Variants in ZNF90 observed in about 807,000 individuals in gnomAD.
The protein encoded by ZNF90 is zinc finger protein HTF9.
ZNF90 carries 11 observed loss-of-function variants against 12.0 expected under a neutral mutation model. That is an observed-to-expected ratio of 0.92 (90% CI 0.58 to 1.52). The LOEUF is 1.52. ZNF90 is among the 40% of genes most tolerant of loss of function. The probability of loss-of-function intolerance (pLI) is 0.00; values close to 1 mark genes in which losing one functional copy is unlikely to be tolerated. For missense variants in ZNF90, 765 were observed against 711.5 expected (o/e 1.08, Z -0.86); for synonymous variants, 232 against 240.1 (o/e 0.97, Z 0.31).
intron 3 of ZNF90, among the ~76,000 whole-genome samples, chr19:20,111,528 A>C (rs1447263086): frequency 1.3e-5 from 2 of 150,358 alleles, no homozygotes; most frequent in Non-Finnish European, 2.9e-5. Context: ...TAATTAATTC[A>C]TACTTAAAAT....
In ZNF90 at chr19:20,119,662, C is replaced by A; in HGVS notation, c.*302C>A. 1 of 247,996 alleles carries A rather than the reference C, an allele frequency of 4.0e-6. No individual in the cohort carries two copies. The highest frequency in any genetic ancestry group is 7.7e-6 in the Non-Finnish European group (1 of 130,180). The allele number at this position is 247,996 out of a possible 1,614,324, so 15.4% of individuals were successfully genotyped here. ...TAAGAAGGAGTTTCATGCTTCTCACCCAGCCTGGAGTGCAATGGCACGATC... is the reference window on the plus strand; with the variant it reads ...TAAGAAGGAGTTTCATGCTTCTCACACAGCCTGGAGTGCAATGGCACGATC... On this transcript the variant is annotated 3_prime_UTR_variant, in exon 4 of 4. Coordinates refer to ENST00000418063, the MANE Select transcript of ZNF90 (RefSeq NM_007138.2).
At chr19:20,100,639 G>A (rs1461622264) in intron 1 of ZNF90, among the ~76,000 whole-genome samples, 1 of 152,134 alleles carries the variant, frequency 6.6e-6, no homozygotes, top group Non-Finnish European at 1.5e-5. Context: ...GAAGTTAAGA[G>A]CAGTCATTGG....
intron 3 of ZNF90, among the ~76,000 whole-genome samples, chr19:20,115,088 T>TTTTTGACTTAAG (rs1259884514): frequency 5.0e-4 from 76 of 152,242 alleles, no homozygotes; most frequent in African/African-American, 1.6e-3. Flanking sequence ...AATATGACAG[T>TTTTTGACTTAAG]TTTTGACTTA....
At position 20,078,192 on chromosome 19, in the gene ZNF90, GA is replaced by G. The variant is rs2088792022; in HGVS notation, c.3+59del. 4 of 1,612,006 alleles carry G rather than the reference GA, an allele frequency of 2.5e-6. No homozygotes were observed. The East Asian group carries it at 8.9e-5, about 36-fold the overall frequency. ...GGGAGGGACTGGTTGGAACCGATGG[GA>G]AGTGGCTGTGGCGGGACTTAGGCCT... is the stretch of plus-strand genomic sequence containing the variant. On this transcript the variant is annotated intron_variant, in intron 1 of 3. Transcript: ENST00000418063.
chr19:20,098,338 C>T (rs954794368), intron 1 of ZNF90, among the ~76,000 whole-genome samples: 13 of 152,170 alleles, frequency 8.5e-5, no homozygotes, highest in African/African-American at 3.1e-4. Flanking sequence ...CAGCTTACAG[C>T]CCCCATTTGG....
At chr19:20,083,348 A>G in intron 1 of ZNF90, among the ~76,000 whole-genome samples, 1 of 150,274 alleles carries the variant, frequency 6.7e-6, no homozygotes, top group East Asian at 1.9e-4. Flanking sequence ...GTTTTTTGAG[A>G]TGAAGTTTTG....
chr19:20,108,666 G>A (rs1280520992), intron 3 of ZNF90, among the ~76,000 whole-genome samples: 1 of 150,994 alleles, frequency 6.6e-6, no homozygotes. Context: ...CAGATTTTAT[G>A]AGTAAACATT....
chr19:20,104,107 A>G lies in ZNF90; in HGVS notation c.4-132A>G, dbSNP rs1337946833. 3.8e-6 allele frequency: 5 copies of G among 1,332,132 alleles called. No individual in the cohort carries two copies. In the African/African-American group the frequency reaches 7.4e-5, roughly 20 times the overall value. 82.5% of individuals were successfully genotyped at this position (1,332,132 alleles called of 1,614,324 possible). A position where few individuals can be genotyped will look rare whatever the true frequency, so the allele number is the denominator to read the frequency against. On this transcript the variant is annotated intron_variant, in intron 1 of 3. Coordinates refer to ENST00000418063, the MANE Select transcript of ZNF90 (RefSeq NM_007138.2). ...ATATTTTTGTGTTGGAAATTGTTTT[A>G]TTGGATAATTTAGTGAGTCTTGTAA...
intron 3 of ZNF90, among the ~76,000 whole-genome samples, chr19:20,115,919 A>G (rs78507049): frequency 6.6e-6 from 1 of 152,076 alleles, no homozygotes; most frequent in Admixed American, 6.6e-5. Context: ...TTTTCTGTCA[A>G]GCTGGAAGCA....
chr19:20,102,752 G>T (rs1387129727), intron 1 of ZNF90, among the ~76,000 whole-genome samples: 2 of 152,096 alleles, frequency 1.3e-5, no homozygotes, highest in Non-Finnish European at 2.9e-5. Context: ...TCATGTTGAG[G>T]CTCCATCTGT....
At chr19:20,117,137 A>G (rs1725934) in intron 3 of ZNF90, among the ~76,000 whole-genome samples, 21,395 of 151,496 alleles carry the variant, frequency 0.14, 2,076 homozygotes, top group East Asian at 0.52. Context: ...CTACCTCCAC[A>G]GTTCAAGCAA....
At chr19:20,085,502 T>C (rs1070430) in intron 1 of ZNF90, among the ~76,000 whole-genome samples, 67,461 of 151,396 alleles carry the variant, frequency 0.45, 16,135 homozygotes, top group East Asian at 0.74. Context: ...CCTCGTGATC[T>C]GCCCGCCTCG....
intron 1 of ZNF90, among the ~76,000 whole-genome samples, chr19:20,089,720 T>C (rs1272334472): frequency 1.3e-5 from 2 of 152,086 alleles, no homozygotes; most frequent in Admixed American, 1.3e-4. Context: ...GTCCAGAAAG[T>C]AAATGAGTTC....
intron 1 of ZNF90, among the ~76,000 whole-genome samples, chr19:20,084,303 C>T (rs184260120): frequency 2.0e-4 from 30 of 151,922 alleles, no homozygotes; most frequent in African/African-American, 6.3e-4. Context: ...GTGATCCGCC[C>T]GGGTCAGCCT....
At chr19:20,108,954 A>C (rs2089063245) in intron 3 of ZNF90, among the ~76,000 whole-genome samples, 1 of 150,992 alleles carries the variant, frequency 6.6e-6, no homozygotes, top group Admixed American at 6.6e-5. Context: ...CGAGCTCCTG[A>C]CCTCGTGATC....
chr19:20,088,618 A>G (rs2088878292), intron 1 of ZNF90, among the ~76,000 whole-genome samples: 1 of 152,206 alleles, frequency 6.6e-6, no homozygotes. Context: ...GGTAAAAACA[A>G]CACTCTTCAT....
At chr19:20,100,407 T>G (rs782547908) in intron 1 of ZNF90, among the ~76,000 whole-genome samples, 21 of 152,184 alleles carry the variant, frequency 1.4e-4, no homozygotes, top group Admixed American at 1.3e-3. Flanking sequence ...TTTCAATCCC[T>G]GTATCATTAA....
chr19:20,109,467 A>T (rs539449841), intron 3 of ZNF90, among the ~76,000 whole-genome samples: 29 of 152,166 alleles, frequency 1.9e-4, no homozygotes, highest in Non-Finnish European at 4.0e-4. Context: ...TTGTGATCTG[A>T]AGGTAATTTT....
intron 1 of ZNF90, among the ~76,000 whole-genome samples, chr19:20,091,803 T>C (rs2088904881): frequency 6.6e-6 from 1 of 152,252 alleles, no homozygotes. Flanking sequence ...AAGGCATATT[T>C]AGAATCAGTA....
Sources: allele counts gnomAD v4.1 joint callset (sites outside exome capture counted in the v4.1 genomes callset), GRCh38; gene constraint gnomAD v4.1.1; transcripts MANE v1.5; gene names NCBI Gene and HGNC (gene_info 2026-07-23, HGNC 2026-07-21).